CR2: variants seen among roughly 807,000 people sequenced by gnomAD.
The protein encoded by CR2 is complement C3d receptor 2, also known as complement receptor type 2.
CR2 carries 96 observed loss-of-function variants against 123.0 expected under a neutral mutation model. That is an observed-to-expected ratio of 0.78 (90% CI 0.66 to 0.93). CR2 has a LOEUF of 0.93. Among genes scored for constraint, CR2 ranks in the 40% least tolerant of loss-of-function variants. CR2 has a pLI of 0.00. For synonymous variants in CR2, 484 were observed against 469.5 expected, an observed-to-expected ratio of 1.03 and a Z score of -0.40; for missense variants, 1,258 against 1,361.0, an observed-to-expected ratio of 0.92 and a Z score of 1.19.
rs768845404 is a variant in CR2 at position 207,474,257 on chromosome 1, C to T, written c.2257C>T (p.His753Tyr). 5.4e-5 allele frequency: 87 copies of T among 1,612,692 alleles called. No homozygotes were observed. The South Asian group carries it at 8.8e-4, about 16-fold the overall frequency. The change falls in exon 13 of 20, where the codon CAT (histidine) becomes TAT (tyrosine). Residue 753 changes from histidine to tyrosine, a missense_variant. By Grantham distance (83) the His-to-Tyr change is moderately conservative. Coordinates refer to ENST00000367057, the MANE Select transcript of CR2 (RefSeq NM_001006658.3). Reference sequence around the variant, plus strand: ...TCTCTGTAGGTACCAGTTGACTGGACATGCTTATCAGATGTGTCAAGATGC... The same window carrying T: ...TCTCTGTAGGTACCAGTTGACTGGATATGCTTATCAGATGTGTCAAGATGC... ...SCQDGYQLTG[H>Y]AYQMCQDAEN...
Position 207,473,554 on chromosome 1 carries a change from C to T in CR2, c.1988C>T (p.Ser663Leu), listed in dbSNP as rs1352777237. Reference sequence around the variant, plus strand: ...GAGTTTTTCTCTTCAGGCTGCCAGTCACCTCCTGGGCTCCACCATGGTCGT... The same window carrying T: ...GAGTTTTTCTCTTCAGGCTGCCAGTTACCTCCTGGGCTCCACCATGGTCGT... ...EIPVCEKGCQSPPGLHHGRHT... is the reference protein window; with the variant it reads ...EIPVCEKGCQLPPGLHHGRHT... The change falls in exon 11 of 20, where the codon TCA becomes TTA. Residue 663 changes from serine to leucine, a missense_variant. Physicochemically the swap from Ser to Leu is moderately radical, Grantham distance 145 (BLOSUM62 -2). Transcript: ENST00000367057. The T allele has an allele frequency of 3.7e-6, 6 of 1,613,644 alleles. No homozygotes were observed. Among genetic ancestry groups the T allele is most frequent in the Admixed American group, 1.7e-5 (1 of 59,974 alleles).
At chr1:207,458,098 A>T (rs1400372110) in intron 1 of CR2, among the ~76,000 whole-genome samples, 1 of 148,786 alleles carries the variant, frequency 6.7e-6, no homozygotes, top group African/African-American at 2.5e-5. Flanking sequence ...ACACACACAC[A>T]CTCCTTTTTC....
chr1:207,479,317 A>C (rs765141116), intron 17 of CR2, 37 bp downstream of exon 17: 1 of 1,481,692 alleles, frequency 6.7e-7, no homozygotes, highest in South Asian at 1.1e-5. Flanking sequence ...AAGCTCTTAT[A>C]ATATTTTTTA....
Position 207,474,270 on chromosome 1 carries a change from T to C in CR2, c.2270T>C (p.Met757Thr), listed in dbSNP as rs1331654017. 1.2e-6 allele frequency: 2 copies of C among 1,613,588 alleles called. No individual in the cohort carries two copies. The highest frequency in any genetic ancestry group is 1.7e-5 in the Admixed American group (1 of 59,994). Reference sequence around the variant, plus strand: ...CAGTTGACTGGACATGCTTATCAGATGTGTCAAGATGCTGAAAATGGAATT... The same window carrying C: ...CAGTTGACTGGACATGCTTATCAGACGTGTCAAGATGCTGAAAATGGAATT... ...GYQLTGHAYQ[M>T]CQDAENGIWF... The change falls in exon 13 of 20, where the codon ATG (methionine) becomes ACG (threonine). Residue 757 changes from methionine (M) to threonine (T), a missense_variant. By Grantham distance (81) the Met-to-Thr change is moderately conservative. Transcript: ENST00000367057.
chr1:207,488,602 G>A (rs1222928437), intron 19 of CR2, among the ~76,000 whole-genome samples: 1 of 152,120 alleles, frequency 6.6e-6, no homozygotes, highest in African/African-American at 2.4e-5. Context: ...CCAGCCTGCT[G>A]ACAGAGCGAG....
At chr1:207,473,524 G>A (rs372183485) in intron 10 of CR2, 21 bp from the exon 11 acceptor site, 22 of 1,608,616 alleles carry the variant, frequency 1.4e-5, no homozygotes, top group East Asian at 4.5e-5. Context: ...TGGTATTTAT[G>A]TAGGGAGTTT....
Position 207,469,804 on chromosome 1 carries a change from A to C in CR2, c.927A>C (p.Pro309=), listed in dbSNP as rs1481132601. 3 of 1,613,988 alleles carry C rather than the reference A, an allele frequency of 1.9e-6. No homozygotes were observed. Among genetic ancestry groups the C allele is most frequent in the Non-Finnish European group, 2.5e-6 (3 of 1,179,954 alleles). Residue 309 remains proline, a synonymous_variant, in exon 6 of 20, where the codon CCA becomes CCC. Transcript: ENST00000367057. Reference sequence around the variant, plus strand: ...TCACTTACACTTGTGACCCGGACCCAGAGGAAGGAGTGAACTTCATCCTTA... The same window carrying C: ...TCACTTACACTTGTGACCCGGACCCCGAGGAAGGAGTGAACTTCATCCTTA... The part of the protein sequence containing the change: ...SIVTYTCDPD[P]EEGVNFILIG...
intron 16 of CR2, 52 bp downstream of exon 16, chr1:207,478,122 G>C (rs1200796057): frequency 6.4e-7 from 1 of 1,572,586 alleles, no homozygotes; most frequent in Admixed American, 1.8e-5. Flanking sequence ...GGAGAGAAGA[G>C]AGTGAGAGTT....
chr1:207,465,023 T>C (rs1481084490), intron 1 of CR2, among the ~76,000 whole-genome samples: 1 of 152,100 alleles, frequency 6.6e-6, no homozygotes, highest in Non-Finnish European at 1.5e-5. Context: ...CTCCACCTCC[T>C]GGGTTCAAGC....
Position 207,468,721 on chromosome 1 carries a change from C to G in CR2, c.634+6C>G. On this transcript the variant is annotated splice_donor_region_variant and intron_variant, in intron 3 of 19. Coordinates refer to ENST00000367057, the MANE Select transcript of CR2 (RefSeq NM_001006658.3). ...TGTCCCCCCCACATGTGAAGGTACC[C>G]TAAATTTACAATCTATTTTAAGAAT... 6.2e-7 allele frequency: 1 copy of G among 1,613,894 alleles called. No homozygotes were observed.
At chr1:207,479,425 C>A in intron 17 of CR2, 145 bp downstream of exon 17, 1 of 629,226 alleles carries the variant, frequency 1.6e-6, no homozygotes, top group Non-Finnish European at 2.8e-6. Flanking sequence ...CTTCAATGTA[C>A]ATGTCACATT....
chr1:207,470,006 T>C lies in CR2; in HGVS notation c.1129T>C (p.Phe377Leu), dbSNP rs34962578. 41 of 1,613,994 alleles carry C rather than the reference T, an allele frequency of 2.5e-5. No homozygotes were observed. The African/African-American group carries it at 5.2e-4, about 20-fold the overall frequency. ...ATATACCTATAACGACACTGTGATA[T>C]TTGCTTGCATGTTTGGCTTCACCTT... ...DRYTYNDTVI[F>L]ACMFGFTLKG... is the part of the protein sequence containing the mutation. The change falls in exon 6 of 20, where the codon TTT becomes CTT. Residue 377 changes from phenylalanine to leucine, a missense_variant. By Grantham distance (22) the Phe-to-Leu change is conservative (BLOSUM62 0). Transcript: ENST00000367057.
rs1467221435 is a variant in CR2 at position 207,489,890 on chromosome 1, A to C, written c.*767A>C. ...AATAAATTGTAATTGTAAAGAAAAC[A>C]TACAACACTTGCCTTATTTTGTTTT... On this transcript the variant is annotated 3_prime_UTR_variant, in exon 20 of 20. Transcript: ENST00000367057. The C allele has an allele frequency of 7.2e-6, 1 of 138,110 alleles. No individual in the cohort carries two copies. Among genetic ancestry groups the C allele is most frequent in the Non-Finnish European group, 1.6e-5 (1 of 64,296 alleles). 8.6% of individuals were successfully genotyped at this position (138,110 alleles called of 1,614,324 possible). A position where few individuals can be genotyped will look rare whatever the true frequency, so the allele number is the denominator to read the frequency against.
At chr1:207,487,986 G>T (rs892951722) in intron 19 of CR2, among the ~76,000 whole-genome samples, 2 of 152,182 alleles carry the variant, frequency 1.3e-5, no homozygotes, top group African/African-American at 4.8e-5. Flanking sequence ...GAGTTAAGAA[G>T]AAAAAGGAAG....
At chr1:207,481,063 G>T (rs1403702755) in intron 18 of CR2, among the ~76,000 whole-genome samples, 1 of 151,824 alleles carries the variant, frequency 6.6e-6, no homozygotes, top group Non-Finnish European at 1.5e-5. Context: ...TCATTTTCAT[G>T]ATTACTTAAT....
intron 19 of CR2, among the ~76,000 whole-genome samples, chr1:207,488,275 A>C (rs988731698): frequency 1.3e-5 from 2 of 152,220 alleles, no homozygotes; most frequent in African/African-American, 4.8e-5. Context: ...TCATTGGCAA[A>C]GGTGGAATGC....
At position 207,470,809 on chromosome 1, in the gene CR2, GAAC is replaced by G. The variant is rs1558191495; in HGVS notation, c.1297_1299del (p.Thr433del). On this transcript the variant is annotated inframe_deletion, in exon 7 of 20. Transcript: ENST00000367057. ...AGACACATGGTCCGCTTTGACCCTG[GAAC>G]ATCTATAAAATATAGCTGTAACCCT... The G allele has an allele frequency of 3.7e-6, 6 of 1,613,842 alleles. No individual in the cohort carries two copies. The highest frequency in any genetic ancestry group is 5.1e-6 in the Non-Finnish European group (6 of 1,179,866).
chr1:207,467,471 T>G (rs894377804), intron 2 of CR2, among the ~76,000 whole-genome samples: 2 of 152,206 alleles, frequency 1.3e-5, no homozygotes, highest in African/African-American at 4.8e-5. Flanking sequence ...AATTATTCAT[T>G]CCTTCTCTTT....
rs762257731 is a variant in CR2 at position 207,454,502 on chromosome 1, G to A, written c.58+26G>A. 3 of 1,493,628 alleles carry A rather than the reference G, an allele frequency of 2.0e-6. No individual in the cohort carries two copies. Among genetic ancestry groups the A allele is most frequent in the Admixed American group, 3.9e-5 (2 of 51,420 alleles). 92.5% of individuals were successfully genotyped at this position (1,493,628 alleles called of 1,614,324 possible). On this transcript the variant is annotated intron_variant, in intron 1 of 19. Transcript: ENST00000367057. This position sits in a 1 kb window ranked among gnomAD's most constrained non-coding sequence, Gnocchi z 4.3. ...GTGAGCTGGGAGGGGGAGCACGGAG[G>A]TGGGGACGCGTCCCGGGCAGGGAAA...
Sources: gnomAD v4.1 joint callset for allele counts (sites outside exome capture counted in the v4.1 genomes callset) on GRCh38, gnomAD v4.1.1 for gene constraint, Gnocchi (gnomAD v3.1) non-coding constraint, MANE v1.5 for transcripts, NCBI Gene and HGNC (gene_info 2026-07-23, HGNC 2026-07-21) for gene names.